The following DPP6 variants were observed in gnomAD, a reference collection of about 807,000 sequenced individuals.
The protein encoded by DPP6 is dipeptidyl peptidase like 6, also known as A-type potassium channel modulatory protein DPP6.
A neutral mutation model predicts 122.6 loss-of-function variants in DPP6; 69 were observed. The observed-to-expected ratio is 0.56, with a 90% CI of 0.46 to 0.69. The LOEUF (loss-of-function observed/expected upper bound fraction) is 0.69, where lower values mean the gene tolerates loss of function less well. DPP6 is among the 30% of genes least tolerant of loss of function. The probability of loss-of-function intolerance (pLI) is 0.00; values close to 1 mark genes in which losing one functional copy is unlikely to be tolerated. For synonymous variants in DPP6, 418 were observed against 433.1 expected (o/e 0.97, Z 0.43); for missense variants, 928 against 1,116.9 (o/e 0.83, Z 2.41).
intron 6 of DPP6, among the ~76,000 whole-genome samples, chr7:154,646,502 C>A (rs996695726): frequency 1.2e-4 from 19 of 152,130 alleles, no homozygotes; most frequent in African/African-American, 4.3e-4. Context: ...CAAGCCACAG[C>A]GTCAAAACCT....
intron 1 of DPP6, among the ~76,000 whole-genome samples, chr7:154,250,639 T>C (rs73489315): frequency 0.066 from 10,111 of 152,160 alleles, 1,008 homozygotes; most frequent in African/African-American, 0.22. Flanking sequence ...CTTTATTTAA[T>C]GGAAAAAAAT....
Position 154,804,899 on chromosome 7 carries a change from C to T in DPP6, c.1500-18C>T. On this transcript the variant is annotated intron_variant, in intron 14 of 25. Coordinates refer to ENST00000377770, the MANE Select transcript of DPP6 (RefSeq NM_130797.4). ...CCTTGGAGCAAACTAACCCTGTGCA[C>T]CTTGGTGATCTTTGCAGCTACTTCC... 1 of 1,597,844 alleles carries T rather than the reference C, an allele frequency of 6.3e-7. No individual in the cohort carries two copies. The highest frequency in any genetic ancestry group is 8.5e-7 in the Non-Finnish European group (1 of 1,171,736).
intron 1 of DPP6, among the ~76,000 whole-genome samples, chr7:154,110,168 G>A (rs1319469275): frequency 2.6e-5 from 4 of 152,110 alleles, no homozygotes; most frequent in Non-Finnish European, 5.9e-5. Flanking sequence ...AGTTTTGTGC[G>A]AGAAAATGGA....
intron 1 of DPP6, among the ~76,000 whole-genome samples, chr7:153,952,406 T>A (rs1322272146): frequency 6.6e-6 from 1 of 152,252 alleles, no homozygotes; most frequent in Non-Finnish European, 1.5e-5. Flanking sequence ...GATACATCAC[T>A]TATATCACTA....
intron 1 of DPP6, among the ~76,000 whole-genome samples, chr7:153,977,940 A>G (rs1379395280): frequency 6.6e-6 from 1 of 151,900 alleles, no homozygotes; most frequent in Non-Finnish European, 1.5e-5. Context: ...CATTTTCTTT[A>G]TCCAGTCTGT....
In DPP6 at chr7:154,124,279, G is replaced by A. The variant is rs1807716442; in HGVS notation, c.243+71216G>A. Among the ~76,000 whole-genome samples the A allele has an allele frequency of 1.3e-5, 2 of 152,228 alleles. 1 individual carries two copies. The highest frequency in any genetic ancestry group is 4.1e-4 in the South Asian group (2 of 4,834). ...ATCTGTGACAGAGCTGGTAGTTAAG[G>A]AAGAATCCCTTGGCTGAAGCAGAGT... On this transcript the variant is annotated intron_variant, in intron 1 of 25. Transcript: ENST00000377770.
In DPP6 at chr7:154,584,507, G is replaced by A. The variant is rs572496594; in HGVS notation, c.627+17591G>A. On this transcript the variant is annotated intron_variant, in intron 5 of 25. Coordinates refer to ENST00000377770, the MANE Select transcript of DPP6 (RefSeq NM_130797.4). ...CACAATAGAGCCTCGAGAAATATCC[G>A]ACCCATTGCAAAATGGACCGTCCCC... 1.4e-3 allele frequency among the ~76,000 whole-genome samples: 220 copies of A among 152,308 alleles called. 1 individual carries two copies. The highest frequency in any genetic ancestry group is 4.8e-3 in the African/African-American group (200 of 41,576).
intron 1 of DPP6, among the ~76,000 whole-genome samples, chr7:154,329,036 C>T (rs111345640): frequency 0.057 from 8,642 of 152,120 alleles, 338 homozygotes; most frequent in Non-Finnish European, 0.087. Context: ...TTTTTTTATT[C>T]CTGGAACAAT....
At chr7:153,952,573 A>C (rs1802270576) in intron 1 of DPP6, among the ~76,000 whole-genome samples, 1 of 152,234 alleles carries the variant, frequency 6.6e-6, no homozygotes, top group South Asian at 2.1e-4. Context: ...TTTATTACGG[A>C]GCATCCATCC....
chr7:154,330,753 A>G (rs1184134827), intron 1 of DPP6, among the ~76,000 whole-genome samples: 1 of 152,208 alleles, frequency 6.6e-6, no homozygotes, highest in Non-Finnish European at 1.5e-5. Flanking sequence ...CAGCTTGGCA[A>G]GAAGTCGCCT....
At chr7:154,394,128 T>G (rs1410845922) in intron 1 of DPP6, among the ~76,000 whole-genome samples, 1 of 152,178 alleles carries the variant, frequency 6.6e-6, no homozygotes, top group African/African-American at 2.4e-5. Context: ...CTGGATCATA[T>G]GGTTATTTCA....
At chr7:154,172,107 T>C (rs1357178503) in intron 1 of DPP6, among the ~76,000 whole-genome samples, 1 of 150,692 alleles carries the variant, frequency 6.6e-6, no homozygotes, top group African/African-American at 2.4e-5. Flanking sequence ...ATTGCAATAC[T>C]TGTATAGATT....
intron 3 of DPP6, among the ~76,000 whole-genome samples, chr7:154,489,045 A>G (rs1824044005): frequency 6.6e-6 from 1 of 152,234 alleles, no homozygotes; most frequent in East Asian, 1.9e-4. Context: ...CAACACCGAT[A>G]TGAACAGCAC....
chr7:154,243,861 T>A (rs1451436697), intron 1 of DPP6, among the ~76,000 whole-genome samples: 1 of 151,780 alleles, frequency 6.6e-6, no homozygotes, highest in African/African-American at 2.4e-5. Context: ...AGAGAATTAT[T>A]TGACCTGAAA....
intron 1 of DPP6, among the ~76,000 whole-genome samples, chr7:154,086,283 C>G (rs1208756701): frequency 1.4e-5 from 2 of 147,958 alleles, no homozygotes; most frequent in Admixed American, 6.8e-5. Context: ...ACACAGGAGC[C>G]ATAGCACTGT....
At chr7:154,091,970 T>G (rs1804885094) in intron 1 of DPP6, among the ~76,000 whole-genome samples, 1 of 152,152 alleles carries the variant, frequency 6.6e-6, no homozygotes, top group Non-Finnish European at 1.5e-5. Context: ...TGGCTGACCC[T>G]TGGTGGTTCT....
At chr7:154,188,495 G>T (rs1268570735) in intron 1 of DPP6, among the ~76,000 whole-genome samples, 1 of 152,134 alleles carries the variant, frequency 6.6e-6, no homozygotes, top group Non-Finnish European at 1.5e-5. Flanking sequence ...TAGTAACTGT[G>T]TAATGTGGGG....
the DPP6 span, among the ~76,000 whole-genome samples, chr7:153,849,920 C>T: frequency 1.3e-5 from 2 of 152,006 alleles, no homozygotes; most frequent in Non-Finnish European, 2.9e-5. Flanking sequence ...GTATTCTGTG[C>T]ACAAGAATCC....
intron 16 of DPP6, among the ~76,000 whole-genome samples, chr7:154,808,203 A>T (rs1358109959): frequency 1.3e-5 from 2 of 152,214 alleles, no homozygotes; most frequent in African/African-American, 4.8e-5. Context: ...AACTTTTATC[A>T]GAGCAATGTC....
Sources: gnomAD v4.1 joint callset for allele counts (sites outside exome capture counted in the v4.1 genomes callset) on GRCh38, gnomAD v4.1.1 for gene constraint, MANE v1.5 for transcripts, NCBI Gene and HGNC (gene_info 2026-07-23, HGNC 2026-07-21) for gene names.